Variants in UFD1 observed in about 807,000 individuals in gnomAD.
UFD1 encodes the protein ubiquitin recognition factor in ER-associated degradation protein 1.
In UFD1, 13 loss-of-function variants were observed where a neutral mutation model predicts 45.9. The observed-to-expected ratio is 0.28, with a 90% CI of 0.18 to 0.45. The LOEUF is 0.45. Among genes scored for constraint, UFD1 ranks in the 20% least tolerant of loss-of-function variants. The pLI is 1.00. For missense variants in UFD1, 218 were observed against 389.2 expected (o/e 0.56, Z 3.70); for synonymous variants, 128 against 139.2 (o/e 0.92, Z 0.56).
intron 4 of UFD1, chr22:19,469,928 A>C (rs374606860): frequency 1.9e-6 from 1 of 518,322 alleles, no homozygotes; most frequent in African/African-American, 1.9e-5. Context: ...CCAAACTTCA[A>C]GTCTATGGGT....
At chr22:19,455,613 C>G in intron 10 of UFD1, 67 bp downstream of exon 10, 1 of 1,511,818 alleles carries the variant, frequency 6.6e-7, no homozygotes, top group Non-Finnish European at 9.1e-7. Context: ...TGGGGTGAGG[C>G]TGCCCGACCC....
chr22:19,467,808 A>G, intron 5 of UFD1, 65 bp downstream of exon 5: 2 of 1,596,744 alleles, frequency 1.3e-6, no homozygotes, highest in Non-Finnish European at 8.5e-7. Context: ...ACAGTACATG[A>G]TGTTTAACAA....
chr22:19,460,057 C>T (rs2089754915), intron 6 of UFD1, among the ~76,000 whole-genome samples: 1 of 151,806 alleles, frequency 6.6e-6, no homozygotes, highest in African/African-American at 2.4e-5. Context: ...GCTTTTACAA[C>T]CATTTTAAAA....
intron 8 of UFD1, 63 bp from the exon 9 acceptor site, chr22:19,456,697 C>A: frequency 6.2e-7 from 1 of 1,613,536 alleles, no homozygotes; most frequent in African/African-American, 1.3e-5. Flanking sequence ...CCCTCTCACC[C>A]CCACCCCCGG....
At chr22:19,477,622 G>A (rs1314428244) in intron 1 of UFD1, among the ~76,000 whole-genome samples, 1 of 152,032 alleles carries the variant, frequency 6.6e-6, no homozygotes, top group Non-Finnish European at 1.5e-5. Flanking sequence ...GCTCGTGAAT[G>A]TACTCAACAC....
At chr22:19,469,333 G>A (rs1375334024) in intron 4 of UFD1, among the ~76,000 whole-genome samples, 1 of 152,144 alleles carries the variant, frequency 6.6e-6, no homozygotes, top group Non-Finnish European at 1.5e-5. Flanking sequence ...CCTGAGGGAA[G>A]GCTGGCCAGG....
At position 19,471,571 on chromosome 22, in the gene UFD1, A is replaced by G. The variant is rs976709858; in HGVS notation, c.291+116T>C. The G allele has an allele frequency of 6.2e-6, 9 of 1,456,462 alleles. No individual in the cohort carries two copies. In the African/African-American group the frequency reaches 1.3e-4, roughly 21 times the overall value. 90.2% of individuals were successfully genotyped at this position (1,456,462 alleles called of 1,614,324 possible). On this transcript the variant is annotated intron_variant, in intron 4 of 11. Transcript: ENST00000263202. ...TCTCTCGCTGGGTCGGCTCAGGCTA[A>G]GACGCTGAGCAGGAGGAGTAGGCGG... is the stretch of plus-strand genomic sequence containing the variant.
At chr22:19,476,889 C>A (rs1314585932) in intron 1 of UFD1, among the ~76,000 whole-genome samples, 6 of 151,502 alleles carry the variant, frequency 4.0e-5, no homozygotes, top group East Asian at 1.9e-4. Context: ...CGCCTGTAAT[C>A]CCAGCTACTC....
rs755999060 is a variant in UFD1, at chr22:19,465,235, G to A, written c.462C>T (p.Thr154=). 23 of 1,613,992 alleles carry A rather than the reference G, an allele frequency of 1.4e-5. No individual in the cohort carries two copies. The highest frequency in any genetic ancestry group is 2.2e-5 in the East Asian group (1 of 44,892). ...TATAGTTGATGGCAATCACATCCCC[G>A]GTGGTCAGACAGGCAAAGTTCCTAA... The part of the protein sequence containing the change: ...NALRNFACLT[T]GDVIAINYNE... The change falls in exon 6 of 12, where the codon ACC becomes ACT. Residue 154 remains threonine (T), a synonymous_variant. Coordinates refer to ENST00000263202, the MANE Select transcript of UFD1 (RefSeq NM_005659.7).
chr22:19,462,186 G>T (rs558387695), intron 6 of UFD1, among the ~76,000 whole-genome samples: 1 of 151,884 alleles, frequency 6.6e-6, no homozygotes, highest in African/African-American at 2.4e-5. Flanking sequence ...TTTTTGTCGA[G>T]ATGGGGTTTT....
chr22:19,450,310 G>C lies in UFD1; in HGVS notation c.*360C>G, dbSNP rs960027647. 3.2e-5 allele frequency: 6 copies of C among 189,712 alleles called. No individual in the cohort carries two copies. Among genetic ancestry groups the C allele is most frequent in the African/African-American group, 1.4e-4 (6 of 42,770 alleles). 11.8% of individuals were successfully genotyped at this position (189,712 alleles called of 1,614,324 possible). ...GAAAGGATAAATGAAGAAAAAGAAA[G>C]AACACTTCATGTTAGACAATTTAGT... On this transcript the variant is annotated 3_prime_UTR_variant, in exon 12 of 12. Coordinates refer to ENST00000263202, the MANE Select transcript of UFD1 (RefSeq NM_005659.7).
rs559934852 is a variant in UFD1 at position 19,474,574 on chromosome 22, G to T, written c.169+494C>A. ...AAAATAAATAAATAAATAAATAAAA[G>T]AAAAGAAATGGGGGTCTGGAGCTCA... On this transcript the variant is annotated intron_variant, in intron 3 of 11. Transcript: ENST00000263202. Among the ~76,000 whole-genome samples, 3 of 152,150 alleles carry T rather than the reference G, an allele frequency of 2.0e-5. No individual in the cohort carries two copies. In the East Asian group the frequency reaches 5.8e-4, roughly 29 times the overall value.
rs1047730572 is a variant in UFD1, at chr22:19,478,831, T to G, written c.3+252A>C. 1.9e-5 allele frequency: 10 copies of G among 531,254 alleles called. No individual in the cohort carries two copies. The African/African-American group carries it at 2.0e-4, about 11-fold the overall frequency. The allele number at this position is 531,254 out of a possible 1,614,324, so 32.9% of individuals were successfully genotyped here. A position where few individuals can be genotyped will look rare whatever the true frequency, so the allele number is the denominator to read the frequency against. On this transcript the variant is annotated intron_variant, in intron 1 of 11. Transcript: ENST00000263202. ...CCCGTGAATGGACACAAACCTTCCTTTCTTTCGTCAAGGAGGGCAAGTCCG... is the reference window on the plus strand; with the variant it reads ...CCCGTGAATGGACACAAACCTTCCTGTCTTTCGTCAAGGAGGGCAAGTCCG...
intron 4 of UFD1, 144 bp downstream of exon 4, chr22:19,471,543 T>C (rs371635949): frequency 7.9e-7 from 1 of 1,264,440 alleles, no homozygotes; most frequent in Non-Finnish European, 1.1e-6. Flanking sequence ...TCTGGATCCC[T>C]TCTCTCTCGC....
intron 4 of UFD1, chr22:19,470,789 C>A (rs1426014612): frequency 6.4e-6 from 3 of 469,528 alleles, no homozygotes; most frequent in Non-Finnish European, 1.3e-5. Flanking sequence ...TTAAGGCCAT[C>A]CCTTCTGAAC....
chr22:19,456,054 T>A (rs940642569), intron 9 of UFD1, among the ~76,000 whole-genome samples: 9 of 152,186 alleles, frequency 5.9e-5, no homozygotes, highest in African/African-American at 2.2e-4. Context: ...GTTCAAGCTC[T>A]ATGGGTGGGC....
chr22:19,467,175 C>T (rs1186416689), intron 5 of UFD1: 3 of 148,006 alleles, frequency 2.0e-5, no homozygotes, highest in African/African-American at 7.5e-5. Flanking sequence ...TTTTTTTTTT[C>T]AAGTATGCAT....
chr22:19,470,454 T>G (rs1399412132), intron 4 of UFD1, among the ~76,000 whole-genome samples: 1 of 151,852 alleles, frequency 6.6e-6, no homozygotes, highest in East Asian at 1.9e-4. Context: ...GTTGTTTTTT[T>G]TTTTTGAGAT....
At chr22:19,466,958 C>T (rs1446160848) in intron 5 of UFD1, 2 of 152,216 alleles carry the variant, frequency 1.3e-5, no homozygotes, top group East Asian at 1.9e-4. Context: ...TAGCTCTTCC[C>T]ATAGGACATC....
Sources: allele counts gnomAD v4.1 joint callset (sites outside exome capture counted in the v4.1 genomes callset), GRCh38; gene constraint gnomAD v4.1.1; transcripts MANE v1.5; gene names NCBI Gene and HGNC (gene_info 2026-07-23, HGNC 2026-07-21).